The following GGCX variants were observed in gnomAD, a reference collection of about 807,000 sequenced individuals.
The protein encoded by GGCX is gamma-glutamyl carboxylase.
GGCX carries 63 observed loss-of-function variants against 88.5 expected under a neutral mutation model. The observed-to-expected ratio is 0.71, with a 90% CI of 0.58 to 0.88. The LOEUF (loss-of-function observed/expected upper bound fraction) is 0.88. Among genes scored for constraint, GGCX ranks in the 40% least tolerant of loss-of-function variants. The pLI is 0.00. For missense variants in GGCX, 805 were observed against 932.9 expected (o/e 0.86, Z 1.79); for synonymous variants, 368 against 365.8 (o/e 1.01, Z -0.07).
chr2:85,556,221 G>A lies in GGCX; in HGVS notation c.579C>T (p.Ala193=). The change falls in exon 5 of 15, where the codon GCC becomes GCT. Residue 193 remains alanine, a synonymous_variant. Transcript: ENST00000233838. ...DGLLNAHRRN[A]HVPLWNYAVL... ...CTGCATAGTTCCAAAGGGGCACGTG[G>A]GCATTCCTCCTATGGGCATTCAGCA... 2 of 1,613,148 alleles carry A rather than the reference G, an allele frequency of 1.2e-6. No individual in the cohort carries two copies. Among genetic ancestry groups the A allele is most frequent in the East Asian group, 2.2e-5 (1 of 44,876 alleles).
Position 85,550,571 on chromosome 2 carries a change from A to G in GGCX, c.2068T>C (p.Tyr690His), listed in dbSNP as rs750397468. Residue 690 changes from tyrosine (Y) to histidine (H), a missense_variant, in exon 14 of 15, where the codon TAT becomes CAT. By Grantham distance (83) the Tyr-to-His change is moderately conservative. Transcript: ENST00000233838. The part of the protein sequence containing the change: ...RFFRFLLRKL[Y>H]VFRRSFLMTC... Reference sequence around the variant, plus strand: ...TGAACTTACCTGCGGCGAAAGACATAGAGCTTTCGCAACAAGAAGCGGAAG... The same window carrying G: ...TGAACTTACCTGCGGCGAAAGACATGGAGCTTTCGCAACAAGAAGCGGAAG... 6 of 1,613,362 alleles carry G rather than the reference A, an allele frequency of 3.7e-6. No homozygotes were observed. The highest frequency in any genetic ancestry group is 5.1e-6 in the Non-Finnish European group (6 of 1,179,340).
intron 12 of GGCX, 85 bp from the exon 13 acceptor site, chr2:85,551,157 T>C (rs1359407482): frequency 7.8e-7 from 1 of 1,286,940 alleles, no homozygotes; most frequent in African/African-American, 1.5e-5. Context: ...TCTTGGCTTC[T>C]TTCTACTCAA....
chr2:85,555,516 A>C lies in GGCX; in HGVS notation c.693T>G (p.Tyr231Ter), dbSNP rs1309584075. Reference sequence around the variant, plus strand: ...GACTGAAGAGCCAGTGCCGGGACAAATATTCCATGGAATAGCCTTCAACCC... The same window carrying C: ...GACTGAAGAGCCAGTGCCGGGACAACTATTCCATGGAATAGCCTTCAACCC... ...ADWVEGYSME[Y>*]LSRHWLFSPF... Residue 231 changes from tyrosine to a stop codon, truncating the protein, a stop_gained, in exon 6 of 15, where the codon TAT (tyrosine) becomes TAG (stop). Coordinates refer to ENST00000233838, the MANE Select transcript of GGCX (RefSeq NM_000821.7). LOFTEE classifies it high-confidence loss of function. The C allele has an allele frequency of 1.2e-6, 2 of 1,603,986 alleles. No individual in the cohort carries two copies. The highest frequency in any genetic ancestry group is 1.7e-6 in the Non-Finnish European group (2 of 1,170,764).
intron 2 of GGCX, among the ~76,000 whole-genome samples, chr2:85,560,270 T>C (rs1391469669): frequency 5.3e-5 from 8 of 152,122 alleles, no homozygotes; most frequent in African/African-American, 1.7e-4. Flanking sequence ...AATGGGTCAC[T>C]GCTGCCTCGC....
chr2:85,561,472 A>G lies in GGCX; in HGVS notation c.-44T>C, dbSNP rs1692463609. The G allele has an allele frequency of 3.4e-6, 5 of 1,461,418 alleles. No homozygotes were observed. The highest frequency in any genetic ancestry group is 3.7e-4 in the Middle Eastern group (2 of 5,404). The allele number at this position is 1,461,418 out of a possible 1,614,324, so 90.5% of individuals were successfully genotyped here. A position where few individuals can be genotyped will look rare whatever the true frequency, so the allele number is the denominator to read the frequency against. On this transcript the variant is annotated 5_prime_UTR_variant, in exon 1 of 15. Transcript: ENST00000233838. ...GGTGGGTCACAGCTGCCGCGTCTGAACGGAGGCCGCCAGGAGAATTTGCTT... is the reference window on the plus strand; with the variant it reads ...GGTGGGTCACAGCTGCCGCGTCTGAGCGGAGGCCGCCAGGAGAATTTGCTT...
At position 85,552,556 on chromosome 2, in the gene GGCX, C is replaced by G. The variant is rs184476736; in HGVS notation, c.1299G>C (p.Gln433His). Residue 433 changes from glutamine to histidine, a missense_variant, in exon 10 of 15, where the codon CAG becomes CAC. Coordinates refer to ENST00000233838, the MANE Select transcript of GGCX (RefSeq NM_000821.7). ...LGYLNPGVFT[Q>H]SRRWKDHADM... ...CTGCATGATCCTTCCATCGCCGACTCTGTGTAAATACCTGCCCCAAACCCC... is the reference window on the plus strand; with the variant it reads ...CTGCATGATCCTTCCATCGCCGACTGTGTGTAAATACCTGCCCCAAACCCC... 141 of 1,613,536 alleles carry G rather than the reference C, an allele frequency of 8.7e-5. No homozygotes were observed. The highest frequency in any genetic ancestry group is 1.2e-4 in the Non-Finnish European group (137 of 1,179,954).
rs1268524731 is a variant in GGCX at position 85,551,620 on chromosome 2, C to A, written c.1610-10G>T. ...TTCTCCAAGTGCAGTCCTGCCAGAC[C>A]AACAGAGTTCATCATCCCACCCCAT... On this transcript the variant is annotated splice_polypyrimidine_tract_variant and intron_variant, in intron 11 of 14. Coordinates refer to ENST00000233838, the MANE Select transcript of GGCX (RefSeq NM_000821.7). 6 of 1,612,858 alleles carry A rather than the reference C, an allele frequency of 3.7e-6. No homozygotes were observed. The highest frequency in any genetic ancestry group is 5.1e-6 in the Non-Finnish European group (6 of 1,179,982).
rs1430810005 is a variant in GGCX, at chr2:85,544,971, T to A, written c.*4963A>T. The A allele has an allele frequency of 6.6e-6, 1 of 152,542 alleles. No homozygotes were observed. Among genetic ancestry groups the A allele is most frequent in the Non-Finnish European group, 1.5e-5 (1 of 68,014 alleles). The allele number at this position is 152,542 out of a possible 1,614,324, so 9.4% of individuals were successfully genotyped here. A position where few individuals can be genotyped will look rare whatever the true frequency, so the allele number is the denominator to read the frequency against. On this transcript the variant is annotated 3_prime_UTR_variant, in exon 15 of 15. Transcript: ENST00000233838. ...TTTTTCTCTCAACACCATGATTCCT[T>A]TAACAACATGTTTCCAGCATTCCCA...
intron 9 of GGCX, among the ~76,000 whole-genome samples, 158 bp from the exon 10 acceptor site, chr2:85,552,725 G>A (rs1047891104): frequency 6.6e-6 from 1 of 152,204 alleles, no homozygotes; most frequent in Non-Finnish European, 1.5e-5. Context: ...TGTTGGGCTA[G>A]TGGTGCTTAC....
In GGCX at chr2:85,549,124, A is replaced by G. The variant is rs1317754815; in HGVS notation, c.*810T>C. The stretch of plus-strand genomic sequence containing the variant: ...AACATGTTTTAAGCTGCATTATTTC[A>G]GATTATCAGTGATTCTGAAAATTAC... On this transcript the variant is annotated 3_prime_UTR_variant, in exon 15 of 15. Coordinates refer to ENST00000233838, the MANE Select transcript of GGCX (RefSeq NM_000821.7). 1 of 152,254 alleles carries G rather than the reference A, an allele frequency of 6.6e-6. No homozygotes were observed. Among genetic ancestry groups the G allele is most frequent in the Non-Finnish European group, 1.5e-5 (1 of 68,042 alleles). 9.4% of individuals were successfully genotyped at this position (152,254 alleles called of 1,614,324 possible).
At position 85,552,405 on chromosome 2, in the gene GGCX, C is replaced by T. The variant is rs778253889; in HGVS notation, c.1439+11G>A. On this transcript the variant is annotated intron_variant, in intron 10 of 14. Coordinates refer to ENST00000233838, the MANE Select transcript of GGCX (RefSeq NM_000821.7). ...CTTCATTTTTTCCCACTCTCTGCTC[C>T]CCTTGCCCACCTCTGCTGGAAGCGG... 4 of 1,612,742 alleles carry T rather than the reference C, an allele frequency of 2.5e-6. No individual in the cohort carries two copies. The Admixed American group carries it at 6.7e-5, about 27-fold the overall frequency.
In GGCX at chr2:85,550,670, G is replaced by C. The variant is rs1390014788; in HGVS notation, c.1969C>G (p.Gln657Glu). 6 of 1,613,938 alleles carry C rather than the reference G, an allele frequency of 3.7e-6. No individual in the cohort carries two copies. In the South Asian group the frequency reaches 5.5e-5, roughly 15 times the overall value. The change falls in exon 14 of 15, where the codon CAG becomes GAG. Residue 657 changes from glutamine to glutamate, a missense_variant. This residue lies in a region of GGCX where 680 missense variants were observed against 763.7 expected (regional missense o/e 0.89). Coordinates refer to ENST00000233838, the MANE Select transcript of GGCX (RefSeq NM_000821.7). ...KGGPEPTPLV[Q>E]TFLRRQQRLQ... The stretch of plus-strand genomic sequence containing the variant: ...CTTTGTTGGCGTCTAAGAAAGGTCT[G>C]AACCAGAGGTGTTGGCTCAGGGCCC...
At position 85,551,530 on chromosome 2, in the gene GGCX, G is replaced by C. The variant is rs1239286735; in HGVS notation, c.1690C>G (p.Leu564Val). Residue 564 changes from leucine to valine, a missense_variant, in exon 12 of 15, where the codon CTT (leucine) becomes GTT (valine). Coordinates refer to ENST00000233838, the MANE Select transcript of GGCX (RefSeq NM_000821.7). ...GTCTGGTTCTTCTGTTCTGCCACAA[G>C]CTCCACAGTCACTTCCCCCTGCAGC... The part of the protein sequence containing the change: ...QLLQGEVTVE[L>V]VAEQKNQTLR... 3 of 1,613,878 alleles carry C rather than the reference G, an allele frequency of 1.9e-6. No individual in the cohort carries two copies. Among genetic ancestry groups the C allele is most frequent in the Non-Finnish European group, 2.5e-6 (3 of 1,179,856 alleles).
chr2:85,558,818 G>C, intron 3 of GGCX, 99 bp downstream of exon 3: 1 of 1,109,684 alleles, frequency 9.0e-7, no homozygotes, highest in Non-Finnish European at 1.4e-6. Context: ...GATCACAGCA[G>C]AAGTGAAATA....
At chr2:85,558,821 G>T in intron 3 of GGCX, 96 bp downstream of exon 3, 1 of 1,146,642 alleles carries the variant, frequency 8.7e-7, no homozygotes, top group Non-Finnish European at 1.3e-6. Flanking sequence ...CACAGCAGAA[G>T]TGAAATAAGG....
chr2:85,556,889 C>T (rs373933124), intron 4 of GGCX, among the ~76,000 whole-genome samples: 5 of 152,192 alleles, frequency 3.3e-5, no homozygotes, highest in East Asian at 1.9e-4. Context: ...TCATGAACAC[C>T]TGGACTCACT....
At position 85,545,605 on chromosome 2, in the gene GGCX, C is replaced by T. The variant is rs1301337398; in HGVS notation, c.*4329G>A. The T allele has an allele frequency of 6.6e-6, 1 of 151,810 alleles. No homozygotes were observed. Among genetic ancestry groups the T allele is most frequent in the Non-Finnish European group, 1.5e-5 (1 of 68,034 alleles). The allele number at this position is 151,810 out of a possible 1,614,324, so 9.4% of individuals were successfully genotyped here. ...TTTAAAAGCCTAAGCAAGATTTAGT[C>T]CTCCTAGTCCACTTAAGCCAAAATT... On this transcript the variant is annotated 3_prime_UTR_variant, in exon 15 of 15. Transcript: ENST00000233838.
intron 12 of GGCX, 40 bp downstream of exon 12, chr2:85,551,440 C>T (rs765437436): frequency 6.2e-6 from 10 of 1,605,584 alleles, no homozygotes; most frequent in Non-Finnish European, 8.5e-6. Context: ...TGAGCTACTG[C>T]ACTCAGTTCT....
At position 85,551,104 on chromosome 2, in the gene GGCX, T is replaced by C. The variant is rs191317839; in HGVS notation, c.1741-32A>G. On this transcript the variant is annotated intron_variant, in intron 12 of 14. Coordinates refer to ENST00000233838, the MANE Select transcript of GGCX (RefSeq NM_000821.7). ...AGGGAGAAGAAATGGATAAATTTCA[T>C]CAGCTTTTCTCTAGCCAGCTTATGG... 2.9e-5 allele frequency: 47 copies of C among 1,605,454 alleles called. No individual in the cohort carries two copies. In the African/African-American group the frequency reaches 4.7e-4, roughly 16 times the overall value.
Sources: allele counts gnomAD v4.1 joint callset (sites outside exome capture counted in the v4.1 genomes callset), GRCh38; gene constraint gnomAD v4.1.1; regional missense constraint gnomAD v4.1.1; transcripts MANE v1.5; gene names NCBI Gene and HGNC (gene_info 2026-07-23, HGNC 2026-07-21).